The following CACNG2 variants were observed in gnomAD, a reference collection of about 807,000 sequenced individuals.
CACNG2 encodes the protein calcium voltage-gated channel auxiliary subunit gamma 2, also known as voltage-dependent calcium channel gamma-2 subunit.
A neutral mutation model predicts 25.9 loss-of-function variants in CACNG2; 3 were observed. That is an observed-to-expected ratio of 0.12 (90% CI 0.05 to 0.30). The LOEUF is 0.30. Among genes scored for constraint, CACNG2 ranks in the 10% least tolerant of loss-of-function variants. The pLI, the probability that CACNG2 is intolerant of heterozygous loss-of-function variation, is 1.00. For missense variants in CACNG2, 341 were observed against 432.5 expected (o/e 0.79, Z 1.88); for synonymous variants, 167 against 173.3 (o/e 0.96, Z 0.29).
At chr22:36,573,028 T>G (rs1440341835) in intron 2 of CACNG2, among the ~76,000 whole-genome samples, 1 of 152,098 alleles carries the variant, frequency 6.6e-6, no homozygotes, top group Non-Finnish European at 1.5e-5. Context: ...CTGGATAACG[T>G]GCTATGAAAG....
chr22:36,670,193 G>T (rs1936928975), intron 1 of CACNG2, among the ~76,000 whole-genome samples: 1 of 152,168 alleles, frequency 6.6e-6, no homozygotes, highest in South Asian at 2.1e-4. Context: ...GTTGGATGCT[G>T]GGCTAGATGC....
chr22:36,667,525 G>A (rs1204473106), intron 1 of CACNG2, among the ~76,000 whole-genome samples: 1 of 152,150 alleles, frequency 6.6e-6, no homozygotes, highest in Non-Finnish European at 1.5e-5. Context: ...GAATGGATTT[G>A]GCTCTCAGAA....
At chr22:36,614,461 C>T (rs186085009) in intron 1 of CACNG2, among the ~76,000 whole-genome samples, 9 of 152,310 alleles carry the variant, frequency 5.9e-5, no homozygotes, top group South Asian at 4.1e-4. Flanking sequence ...TTTGGTATGG[C>T]GACATTCCTG....
intron 2 of CACNG2, among the ~76,000 whole-genome samples, chr22:36,568,958 A>G (rs1935177702): frequency 6.6e-6 from 1 of 151,866 alleles, no homozygotes; most frequent in Non-Finnish European, 1.5e-5. Flanking sequence ...TCCTCCACAG[A>G]CCCCAGGGAG....
At chr22:36,633,330 G>T (rs751539662) in intron 1 of CACNG2, among the ~76,000 whole-genome samples, 2 of 152,076 alleles carry the variant, frequency 1.3e-5, no homozygotes, top group Non-Finnish European at 2.9e-5. Flanking sequence ...ATTCACGGAG[G>T]GTAACTGCTA....
chr22:36,570,120 G>A (rs17735184), intron 2 of CACNG2, among the ~76,000 whole-genome samples: 3,978 of 152,306 alleles, frequency 0.026, 127 homozygotes, highest in Admixed American at 0.087. Context: ...TTTTCCAGTT[G>A]AGCCCCATCT....
intron 1 of CACNG2, among the ~76,000 whole-genome samples, chr22:36,683,837 A>ATC (rs150169331): frequency 6.6e-5 from 10 of 151,588 alleles, no homozygotes; most frequent in African/African-American, 2.4e-4. Flanking sequence ...GGGAGGCAGC[A>ATC]TCTCTCTCTC....
intron 2 of CACNG2, among the ~76,000 whole-genome samples, chr22:36,579,068 A>G (rs534257801): frequency 4.6e-5 from 7 of 152,238 alleles, no homozygotes; most frequent in Non-Finnish European, 7.4e-5. Context: ...CTCGCCATCC[A>G]CAAGACCTCT....
intron 1 of CACNG2, among the ~76,000 whole-genome samples, chr22:36,620,333 A>G (rs1936087277): frequency 6.6e-6 from 1 of 152,354 alleles, no homozygotes; most frequent in South Asian, 2.1e-4. Flanking sequence ...CTGGGATGCA[A>G]TTGAACGACT....
chr22:36,583,995 T>C (rs1057425846), intron 2 of CACNG2, among the ~76,000 whole-genome samples: 1 of 152,170 alleles, frequency 6.6e-6, no homozygotes, highest in African/African-American at 2.4e-5. Context: ...CTTGCTATTC[T>C]CTCCATCAGC....
intron 1 of CACNG2, among the ~76,000 whole-genome samples, chr22:36,671,288 C>A (rs976373595): frequency 1.3e-5 from 2 of 152,180 alleles, no homozygotes; most frequent in Non-Finnish European, 2.9e-5. Context: ...GTAATACATT[C>A]TCTTTAAGGT....
rs371299589 is a variant in CACNG2, at chr22:36,583,380, C to T, written c.295+4085G>A. ...CCCAGGAGGCAGAGGTTGCAGTGAG[C>T]CAAGATTGTACCACTGCACTCCAGC... On this transcript the variant is annotated intron_variant, in intron 2 of 3. Coordinates refer to ENST00000300105, the MANE Select transcript of CACNG2 (RefSeq NM_006078.5). Among the ~76,000 whole-genome samples, 350 of 151,354 alleles carry T rather than the reference C, an allele frequency of 2.3e-3. 4 individuals are homozygous for T. Among genetic ancestry groups the T allele is most frequent in the African/African-American group, 7.1e-3 (292 of 41,088 alleles).
At chr22:36,631,710 T>C (rs571038806) in intron 1 of CACNG2, among the ~76,000 whole-genome samples, 1 of 151,460 alleles carries the variant, frequency 6.6e-6, no homozygotes, top group African/African-American at 2.4e-5. Flanking sequence ...GCAAACTAGC[T>C]GGAACTGCCC....
intron 1 of CACNG2, among the ~76,000 whole-genome samples, chr22:36,700,126 C>T (rs1464684806): frequency 1.3e-5 from 2 of 152,248 alleles, no homozygotes; most frequent in African/African-American, 4.8e-5. Context: ...ATGGCCCAAC[C>T]CACAGTGCCT....
At chr22:36,652,930 C>T (rs1054830456) in intron 1 of CACNG2, among the ~76,000 whole-genome samples, 1 of 152,158 alleles carries the variant, frequency 6.6e-6, no homozygotes, top group African/African-American at 2.4e-5. Context: ...AAGTTGCCGT[C>T]AGAAGACAGT....
At chr22:36,659,204 G>T (rs1297263322) in intron 1 of CACNG2, among the ~76,000 whole-genome samples, 1 of 152,090 alleles carries the variant, frequency 6.6e-6, no homozygotes, top group Non-Finnish European at 1.5e-5. Flanking sequence ...GGAGGGTGGG[G>T]GCTCTGTCCT....
intron 1 of CACNG2, among the ~76,000 whole-genome samples, chr22:36,663,038 TAA>T (rs112291671): frequency 1.4e-5 from 2 of 139,506 alleles, no homozygotes; most frequent in African/African-American, 3.1e-5. Flanking sequence ...TAATAAGAGT[TAA>T]AAAAAAAAGA....
At chr22:36,697,194 G>T (rs987471843) in intron 1 of CACNG2, among the ~76,000 whole-genome samples, 1 of 152,288 alleles carries the variant, frequency 6.6e-6, no homozygotes, top group South Asian at 2.1e-4. Flanking sequence ...CTCACAGGGG[G>T]CGTGGACCAG....
At chr22:36,607,723 C>T (rs1935866067) in intron 1 of CACNG2, among the ~76,000 whole-genome samples, 1 of 152,164 alleles carries the variant, frequency 6.6e-6, no homozygotes, top group South Asian at 2.1e-4. Flanking sequence ...AAAGACACAC[C>T]CCTGCTCAGA....
Sources: gnomAD v4.1 joint callset for allele counts (sites outside exome capture counted in the v4.1 genomes callset) on GRCh38, gnomAD v4.1.1 for gene constraint, MANE v1.5 for transcripts, NCBI Gene and HGNC (gene_info 2026-07-23, HGNC 2026-07-21) for gene names.